Variants in BIRC6 observed in about 807,000 individuals in gnomAD.
The protein encoded by BIRC6 is dual E2 ubiquitin-conjugating enzyme/E3 ubiquitin-protein ligase BIRC6.
In BIRC6, 98 loss-of-function variants were observed where a neutral mutation model predicts 503.3. The ratio of observed to expected loss-of-function variants is 0.19; its 90% CI spans 0.17 to 0.23. The LOEUF is 0.23. BIRC6 is among the 10% of genes least tolerant of loss of function. The pLI is 1.00. For missense variants in BIRC6, 5,360 were observed against 5,806.0 expected, an observed-to-expected ratio of 0.92 and a Z score of 2.50; for synonymous variants, 2,240 against 2,078.7, an observed-to-expected ratio of 1.08 and a Z score of -2.11.
intron 16 of BIRC6, 58 bp downstream of exon 16, chr2:32,439,744 T>G (rs750242132): frequency 3.4e-6 from 5 of 1,474,590 alleles, no homozygotes; most frequent in Non-Finnish European, 4.7e-6. Context: ...TGGATCAGAT[T>G]TAACACACTA....
chr2:32,466,790 TTTTTTGTTTTGTTTTGG>T (rs1010143331), intron 26 of BIRC6, among the ~76,000 whole-genome samples: 21 of 152,192 alleles, frequency 1.4e-4, no homozygotes, highest in Non-Finnish European at 2.5e-4. Flanking sequence ...TTACTGTTGT[TTTTTTGTTTTGTTTTGG>T]TTTTGGTTTT....
intron 65 of BIRC6, among the ~76,000 whole-genome samples, chr2:32,561,305 G>A (rs1215796680): frequency 6.6e-6 from 1 of 150,428 alleles, no homozygotes; most frequent in Non-Finnish European, 1.5e-5. Flanking sequence ...ACAGTGGCAC[G>A]ATCTTGGCTC....
intron 21 of BIRC6, among the ~76,000 whole-genome samples, chr2:32,447,438 C>A (rs1256049618): frequency 6.8e-6 from 1 of 147,486 alleles, no homozygotes; most frequent in African/African-American, 2.5e-5. Flanking sequence ...GGGCTGACCC[C>A]CCACCTCCCT....
At chr2:32,442,284 AAGTTC>A in intron 18 of BIRC6, 35 bp from the exon 19 acceptor site, 1 of 1,607,400 alleles carries the variant, frequency 6.2e-7, no homozygotes, top group Non-Finnish European at 8.5e-7. Context: ...TTATGATTGA[AAGTTC>A]AGGATGAGTC....
At position 32,501,733 on chromosome 2, in the gene BIRC6, A is replaced by G. The variant is rs1158163873; in HGVS notation, c.9052A>G (p.Thr3018Ala). 1 of 1,611,874 alleles carries G rather than the reference A, an allele frequency of 6.2e-7. No individual in the cohort carries two copies. Among genetic ancestry groups the G allele is most frequent in the Non-Finnish European group, 8.5e-7 (1 of 1,179,256 alleles). ...MIIGASGLHLTKHENFHGGLD... is the reference protein window; with the variant it reads ...MIIGASGLHLAKHENFHGGLD... Reference sequence around the variant, plus strand: ...CTTAGGAGCAAGTGGATTACATCTCACTAAACATGAAAACTTTCATGGTGG... The same window carrying G: ...CTTAGGAGCAAGTGGATTACATCTCGCTAAACATGAAAACTTTCATGGTGG... Residue 3018 changes from threonine to alanine, a missense_variant, in exon 47 of 74, where the codon ACT (threonine) becomes GCT (alanine). Coordinates refer to ENST00000421745, the MANE Select transcript of BIRC6 (RefSeq NM_016252.4).
chr2:32,478,223 G>C (rs759430099), intron 35 of BIRC6, among the ~76,000 whole-genome samples: 38 of 152,208 alleles, frequency 2.5e-4, no homozygotes, highest in Middle Eastern at 3.4e-3. Context: ...TGTAGTCCCA[G>C]TTACTCGGGA....
chr2:32,561,931 A>G (rs1415363378), intron 65 of BIRC6, among the ~76,000 whole-genome samples: 6 of 151,678 alleles, frequency 4.0e-5, no homozygotes, highest in Non-Finnish European at 8.8e-5. Context: ...AATCGCAGCT[A>G]CTCGGGAGGC....
At chr2:32,537,880 G>A (rs948206632) in intron 61 of BIRC6, among the ~76,000 whole-genome samples, 1 of 151,892 alleles carries the variant, frequency 6.6e-6, no homozygotes, top group African/African-American at 2.4e-5. Context: ...GCAGGAGAAT[G>A]GCCTGAACCC....
chr2:32,598,037 A>C, intron 69 of BIRC6, 69 bp downstream of exon 69: 1 of 1,318,440 alleles, frequency 7.6e-7, no homozygotes, highest in South Asian at 1.3e-5. Flanking sequence ...AAATTTTTAT[A>C]CAAAACTGGA....
intron 68 of BIRC6, among the ~76,000 whole-genome samples, chr2:32,597,145 T>G (rs536355556): frequency 1.3e-5 from 2 of 152,360 alleles, no homozygotes; most frequent in South Asian, 4.1e-4. Context: ...TATCATTCTT[T>G]TACAACTTGA....
At chr2:32,513,843 A>G (rs981761412) in intron 54 of BIRC6, among the ~76,000 whole-genome samples, 1 of 151,872 alleles carries the variant, frequency 6.6e-6, no homozygotes, top group Non-Finnish European at 1.5e-5. Flanking sequence ...TGGGAGGTGG[A>G]GGTTGCAGTG....
chr2:32,455,587 G>T (rs538290910), intron 23 of BIRC6, among the ~76,000 whole-genome samples: 2 of 152,006 alleles, frequency 1.3e-5, no homozygotes, highest in Admixed American at 6.6e-5. Context: ...AGATTGTGCC[G>T]CTGCACTCTA....
chr2:32,397,691 T>C (rs545419986), intron 6 of BIRC6, among the ~76,000 whole-genome samples: 1 of 115,596 alleles, frequency 8.7e-6, no homozygotes, highest in African/African-American at 3.3e-5. Flanking sequence ...CACATATATA[T>C]GTACACACAC....
chr2:32,589,262 G>C (rs749358531), intron 66 of BIRC6, among the ~76,000 whole-genome samples: 1 of 152,160 alleles, frequency 6.6e-6, no homozygotes, highest in Non-Finnish European at 1.5e-5. Flanking sequence ...ATTGAAGCAA[G>C]CATCTTTTAT....
At chr2:32,493,468 A>G (rs2052010607) in intron 44 of BIRC6, 72 bp from the exon 45 acceptor site, 2 of 1,417,486 alleles carry the variant, frequency 1.4e-6, no homozygotes, top group Non-Finnish European at 1.9e-6. Flanking sequence ...TTTCTACTTG[A>G]TAATTTTTAA....
At chr2:32,493,283 G>A (rs960115515) in intron 44 of BIRC6, among the ~76,000 whole-genome samples, 4 of 151,812 alleles carry the variant, frequency 2.6e-5, no homozygotes, top group African/African-American at 9.7e-5. Flanking sequence ...TTTTAGTATT[G>A]AGTTCAATAA....
At chr2:32,504,924 T>G (rs1276861784) in intron 49 of BIRC6, 81 bp from the exon 50 acceptor site, 1 of 1,249,666 alleles carries the variant, frequency 8.0e-7, no homozygotes, top group African/African-American at 1.5e-5. Context: ...TTTTCTAGTT[T>G]AATTGTATTT....
At chr2:32,579,199 C>A (rs2060500117) in intron 66 of BIRC6, among the ~76,000 whole-genome samples, 1 of 151,208 alleles carries the variant, frequency 6.6e-6, no homozygotes, top group South Asian at 2.1e-4. Flanking sequence ...TTTTTACCTT[C>A]CTTTTGGGGA....
At chr2:32,553,676 G>C (rs975882719) in intron 65 of BIRC6, among the ~76,000 whole-genome samples, 7 of 151,960 alleles carry the variant, frequency 4.6e-5, no homozygotes, top group African/African-American at 1.7e-4. Flanking sequence ...AGACAGGCAT[G>C]AGCCACAACC....
Sources: allele counts gnomAD v4.1 joint callset (sites outside exome capture counted in the v4.1 genomes callset), GRCh38; gene constraint gnomAD v4.1.1; transcripts MANE v1.5; gene names NCBI Gene and HGNC (gene_info 2026-07-23, HGNC 2026-07-21).